Variants in CSGALNACT1 observed in about 807,000 individuals in gnomAD.
The protein encoded by CSGALNACT1 is beta4GalNAcT-1.
In CSGALNACT1, 52 loss-of-function variants were observed where a neutral mutation model predicts 51.0. The observed-to-expected ratio is 1.02, with a 90% CI of 0.82 to 1.29. The LOEUF (loss-of-function observed/expected upper bound fraction) is 1.29, where lower values mean the gene tolerates loss of function less well. Ranked by LOEUF, CSGALNACT1 falls within the 50% of genes most tolerant of loss-of-function variation. The pLI, the probability that CSGALNACT1 is intolerant of heterozygous loss-of-function variation, is 0.00. For synonymous variants in CSGALNACT1, 341 were observed against 254.4 expected, an observed-to-expected ratio of 1.34 and a Z score of -3.24; for missense variants, 935 against 679.2, an observed-to-expected ratio of 1.38 and a Z score of -4.19.
At chr8:19,611,291 A>G (rs1246473143) in intron 1 of CSGALNACT1, among the ~76,000 whole-genome samples, 7 of 152,214 alleles carry the variant, frequency 4.6e-5, no homozygotes, top group East Asian at 1.9e-4. Flanking sequence ...TCCAAAATAT[A>G]TAATTCTTAT....
intron 5 of CSGALNACT1, among the ~76,000 whole-genome samples, chr8:19,443,601 A>C (rs1441106663): frequency 6.6e-6 from 1 of 152,166 alleles, no homozygotes; most frequent in Admixed American, 6.5e-5. Context: ...AAACCATCAG[A>C]TCTTGTGAGA....
intron 5 of CSGALNACT1, among the ~76,000 whole-genome samples, chr8:19,454,532 G>A (rs1302153290): frequency 2.6e-5 from 4 of 152,146 alleles, no homozygotes; most frequent in African/African-American, 9.7e-5. Flanking sequence ...TTAGCCAGGT[G>A]TGGTGGTACA....
chr8:19,467,979 CTG>C (rs1421256810), intron 4 of CSGALNACT1, among the ~76,000 whole-genome samples: 1 of 152,190 alleles, frequency 6.6e-6, no homozygotes, highest in Non-Finnish European at 1.5e-5. Flanking sequence ...GAGTGAAACC[CTG>C]TCTCATAAAA....
rs570802087 is a variant in CSGALNACT1, at chr8:19,695,824, T to C, written c.-297+62026A>G. Among the ~76,000 whole-genome samples, 4 of 152,294 alleles carry C rather than the reference T, an allele frequency of 2.6e-5. No individual in the cohort carries two copies. In the South Asian group the frequency reaches 8.3e-4, roughly 32 times the overall value. On this transcript the variant is annotated intron_variant, in intron 1 of 1. Coordinates refer to the CSGALNACT1 transcript ENST00000517494. Reference sequence around the variant, plus strand: ...CTTTCTCCTTCAGCGCAGGAGATTTTGTAATATTTCTAAATGATCCAGCCA... The same window carrying C: ...CTTTCTCCTTCAGCGCAGGAGATTTCGTAATATTTCTAAATGATCCAGCCA...
At chr8:19,443,047 G>C (rs985018876) in intron 5 of CSGALNACT1, among the ~76,000 whole-genome samples, 2 of 152,096 alleles carry the variant, frequency 1.3e-5, no homozygotes, top group African/African-American at 2.4e-5. Context: ...TCATGCTCCA[G>C]CTTTCTGACA....
chr8:19,656,808 C>T (rs2058320964), intron 1 of CSGALNACT1, among the ~76,000 whole-genome samples: 1 of 152,160 alleles, frequency 6.6e-6, no homozygotes, highest in Admixed American at 6.5e-5. Flanking sequence ...TGGCTCACGC[C>T]TGTTATCCCA....
intron 5 of CSGALNACT1, among the ~76,000 whole-genome samples, chr8:19,445,591 A>G (rs972014871): frequency 6.6e-6 from 1 of 152,236 alleles, no homozygotes; most frequent in Non-Finnish European, 1.5e-5. Context: ...TGGTGACAAC[A>G]TATCATGGAC....
Position 19,644,493 on chromosome 8 carries a change from T to C in CSGALNACT1, c.-544+37980A>G, listed in dbSNP as rs1278698403. ...GGGAGGCTGAGGTGGGTGAATCACCTGAGGTCAGGAGTTCCAGACCAGCCT... is the reference window on the plus strand; with the variant it reads ...GGGAGGCTGAGGTGGGTGAATCACCCGAGGTCAGGAGTTCCAGACCAGCCT... On this transcript the variant is annotated intron_variant, in intron 1 of 9. Transcript: ENST00000332246. 4.0e-5 allele frequency among the ~76,000 whole-genome samples: 6 copies of C among 150,808 alleles called. No homozygotes were observed. The East Asian group carries it at 5.8e-4, about 15-fold the overall frequency.
upstream of CSGALNACT1, among the ~76,000 whole-genome samples, chr8:19,603,158 C>G (rs190245652): frequency 8.8e-5 from 13 of 147,666 alleles, no homozygotes; most frequent in African/African-American, 3.3e-4. Flanking sequence ...AAAAGAAAAA[C>G]AGGCCCAGAA....
intron 1 of CSGALNACT1, among the ~76,000 whole-genome samples, chr8:19,690,112 C>G (rs192442086): frequency 2.0e-5 from 3 of 152,290 alleles, no homozygotes; most frequent in Non-Finnish European, 4.4e-5. Flanking sequence ...AAATTTACTA[C>G]AATCTGGATA....
At chr8:19,493,735 C>A (rs2074885032) in intron 4 of CSGALNACT1, among the ~76,000 whole-genome samples, 2 of 152,174 alleles carry the variant, frequency 1.3e-5, no homozygotes, top group African/African-American at 4.8e-5. Flanking sequence ...GTTTATTGAT[C>A]CATCCACTGA....
At chr8:19,457,815 G>C (rs376999353) in intron 5 of CSGALNACT1, 7 of 1,351,088 alleles carry the variant, frequency 5.2e-6, no homozygotes, top group Non-Finnish European at 6.9e-6. Context: ...TCATCAGCAG[G>C]CCTGAAAAAT....
chr8:19,560,495 C>A (rs1016307398), intron 3 of CSGALNACT1, among the ~76,000 whole-genome samples: 2 of 152,122 alleles, frequency 1.3e-5, no homozygotes, highest in African/African-American at 4.8e-5. Flanking sequence ...GTATAACCAA[C>A]AGAAGACTTC....
chr8:19,429,669 A>T (rs2059348957), intron 6 of CSGALNACT1, among the ~76,000 whole-genome samples: 1 of 152,242 alleles, frequency 6.6e-6, no homozygotes, highest in Non-Finnish European at 1.5e-5. Flanking sequence ...GATATTGTGA[A>T]TAATGCAGCT....
At chr8:19,726,330 T>G (rs1043990052) in intron 1 of CSGALNACT1, among the ~76,000 whole-genome samples, 7 of 152,150 alleles carry the variant, frequency 4.6e-5, no homozygotes, top group Admixed American at 2.0e-4. Flanking sequence ...CAAAAAATTG[T>G]TAACTACCTT....
At chr8:19,479,899 C>A (rs577664141) in intron 4 of CSGALNACT1, among the ~76,000 whole-genome samples, 2 of 151,108 alleles carry the variant, frequency 1.3e-5, no homozygotes, top group South Asian at 2.1e-4. Context: ...AAGAACTTTT[C>A]CCTGTATACT....
intron 1 of CSGALNACT1, among the ~76,000 whole-genome samples, chr8:19,713,356 G>C (rs1237647293): frequency 1.3e-5 from 2 of 152,200 alleles, no homozygotes; most frequent in Non-Finnish European, 2.9e-5. Flanking sequence ...ACTTCAGAGA[G>C]TGAGTTGGAT....
intron 1 of CSGALNACT1, among the ~76,000 whole-genome samples, chr8:19,695,702 T>C (rs910503073): frequency 6.6e-6 from 1 of 152,176 alleles, no homozygotes; most frequent in African/African-American, 2.4e-5. Context: ...CAAAGGAACA[T>C]GGGTAATTTA....
chr8:19,484,970 C>T (rs942286952), intron 4 of CSGALNACT1, among the ~76,000 whole-genome samples: 1 of 152,052 alleles, frequency 6.6e-6, no homozygotes, highest in Non-Finnish European at 1.5e-5. Flanking sequence ...AGGAGAGAGC[C>T]CTCCGAAAAA....
Sources: allele counts gnomAD v4.1 joint callset (sites outside exome capture counted in the v4.1 genomes callset), GRCh38; gene constraint gnomAD v4.1.1; transcripts MANE v1.5; gene names NCBI Gene and HGNC (gene_info 2026-07-23, HGNC 2026-07-21).